Variants in RNPEP observed in about 807,000 individuals in gnomAD.
RNPEP encodes the protein arginyl aminopeptidase, also known as aminopeptidase B.
A neutral mutation model predicts 70.1 loss-of-function variants in RNPEP; 57 were observed. That is an observed-to-expected ratio of 0.81 (90% CI 0.66 to 1.01). RNPEP has a LOEUF of 1.01. RNPEP is among the 50% of genes least tolerant of loss of function. The probability of loss-of-function intolerance (pLI) is 0.00; values close to 1 mark genes in which losing one functional copy is unlikely to be tolerated. For missense variants in RNPEP, 787 were observed against 852.4 expected (o/e 0.92, Z 0.96); for synonymous variants, 335 against 357.4 (o/e 0.94, Z 0.71).
rs1175533150 is a variant in RNPEP at position 202,001,383 on chromosome 1, C to A, written c.1212C>A (p.Asp404Glu). The A allele has an allele frequency of 6.2e-7, 1 of 1,613,204 alleles. No individual in the cohort carries two copies. The highest frequency in any genetic ancestry group is 1.7e-5 in the Admixed American group (1 of 60,002). The change falls in exon 7 of 11, where the codon GAC becomes GAA. Residue 404 changes from aspartate to glutamate, a missense_variant. Coordinates refer to ENST00000295640, the MANE Select transcript of RNPEP (RefSeq NM_020216.4). ...TGCTTTCTCCTCTGCCAGGCGTTGA[C>A]CCGGACGACACCTATAATGAGACCC... is the stretch of plus-strand genomic sequence containing the variant. ...KLRVKIEPGV[D>E]PDDTYNETPY...
intron 7 of RNPEP, 41 bp from the exon 8 acceptor site, chr1:202,001,618 A>G: frequency 6.6e-7 from 1 of 1,517,750 alleles, no homozygotes; most frequent in Non-Finnish European, 9.2e-7. Flanking sequence ...ACCACTCCCC[A>G]CGGGGCCAGA....
rs578202834 is a variant in RNPEP at position 202,001,711 on chromosome 1, A to G, written c.1370A>G (p.Asp457Gly). The G allele has an allele frequency of 1.4e-5, 23 of 1,613,754 alleles. No homozygotes were observed. In the South Asian group the frequency reaches 2.0e-4, roughly 14 times the overall value. ...FRSILADDFLDFYLEYFPELK... is the reference protein window; with the variant it reads ...FRSILADDFLGFYLEYFPELK... ...AGCATCTTAGCCGATGACTTTCTGGACTTCTACTTGGAATATTTCCCTGAG... is the reference window on the plus strand; with the variant it reads ...AGCATCTTAGCCGATGACTTTCTGGGCTTCTACTTGGAATATTTCCCTGAG... The change falls in exon 8 of 11, where the codon GAC becomes GGC. Residue 457 changes from aspartate to glycine, a missense_variant. By Grantham distance (94) the Asp-to-Gly change is moderately conservative. Coordinates refer to ENST00000295640, the MANE Select transcript of RNPEP (RefSeq NM_020216.4).
chr1:202,000,230 G>A (rs1006431631), intron 6 of RNPEP: 4 of 472,756 alleles, frequency 8.5e-6, no homozygotes, highest in South Asian at 3.4e-5. Context: ...TGTGCGGTTC[G>A]TGATGACTTC....
At chr1:201,984,561 G>A (rs1683055338) in intron 1 of RNPEP, among the ~76,000 whole-genome samples, 1 of 152,050 alleles carries the variant, frequency 6.6e-6, no homozygotes, top group Non-Finnish European at 1.5e-5. Context: ...TCCTTTCACA[G>A]CCTGATAACA....
At chr1:201,996,422 C>A in intron 4 of RNPEP, 159 bp downstream of exon 4, 1 of 645,644 alleles carries the variant, frequency 1.5e-6, no homozygotes, top group Non-Finnish European at 2.8e-6. Context: ...ATGAGCCAGG[C>A]TTCTCACTGT....
Position 202,005,927 on chromosome 1 carries a change from T to G in RNPEP, c.*211T>G, listed in dbSNP as rs552182824. 51 of 582,484 alleles carry G rather than the reference T, an allele frequency of 8.8e-5. No homozygotes were observed. In the South Asian group the frequency reaches 1.1e-3, roughly 13 times the overall value. 36.1% of individuals were successfully genotyped at this position (582,484 alleles called of 1,614,324 possible). A position where few individuals can be genotyped will look rare whatever the true frequency, so the allele number is the denominator to read the frequency against. On this transcript the variant is annotated 3_prime_UTR_variant, in exon 11 of 11. Coordinates refer to ENST00000295640, the MANE Select transcript of RNPEP (RefSeq NM_020216.4). ...CCACTGAGCCCCGAGACAGAGAACC[T>G]GCCCACAGCTCTCCCCGCTACAGGC... is the stretch of plus-strand genomic sequence containing the variant.
At chr1:201,983,257 C>A in intron 1 of RNPEP, 144 bp downstream of exon 1, 1 of 1,433,928 alleles carries the variant, frequency 7.0e-7, no homozygotes. Flanking sequence ...TCCCCGCGCG[C>A]CGCCTCTAGG....
chr1:201,994,168 C>T (rs1448500158), intron 3 of RNPEP, among the ~76,000 whole-genome samples: 1 of 152,184 alleles, frequency 6.6e-6, no homozygotes, highest in Non-Finnish European at 1.5e-5. Flanking sequence ...CTCTGCCCAG[C>T]TCCTTGTGTG....
intron 5 of RNPEP, among the ~76,000 whole-genome samples, chr1:201,999,100 C>T (rs930420883): frequency 1.1e-4 from 16 of 152,066 alleles, no homozygotes; most frequent in African/African-American, 3.9e-4. Flanking sequence ...GCCTGTAGTC[C>T]CAGCTACTTG....
At chr1:201,994,725 G>GGT (rs1683480171) in intron 3 of RNPEP, among the ~76,000 whole-genome samples, 1 of 149,538 alleles carries the variant, frequency 6.7e-6, no homozygotes. Flanking sequence ...GGAGTGCGAT[G>GGT]GTGCAATCTT....
At chr1:201,984,766 TG>T (rs1228783664) in intron 1 of RNPEP, among the ~76,000 whole-genome samples, 2 of 151,532 alleles carry the variant, frequency 1.3e-5, no homozygotes, top group Non-Finnish European at 2.9e-5. Context: ...ATATGGTGCG[TG>T]GTACATGGTA....
In RNPEP at chr1:201,987,050, C is replaced by T. The variant is rs558901798; in HGVS notation, c.448-1854C>T. On this transcript the variant is annotated intron_variant, in intron 1 of 10. Transcript: ENST00000295640. ...CAAAAACTCAAACCCAGCATCCCAA[C>T]GTAGCTTCCTTATGCCTCTTAAAAT... Among the ~76,000 whole-genome samples, 66 of 152,296 alleles carry T rather than the reference C, an allele frequency of 4.3e-4. No individual in the cohort carries two copies. The Middle Eastern group carries it at 0.01, about 24-fold the overall frequency.
At chr1:201,991,176 G>A (rs959419219) in intron 3 of RNPEP, among the ~76,000 whole-genome samples, 9 of 152,062 alleles carry the variant, frequency 5.9e-5, no homozygotes, top group East Asian at 1.9e-4. Context: ...GTGCAGTGGC[G>A]CGATCTTGGC....
chr1:202,001,236 C>A, intron 6 of RNPEP, 140 bp from the exon 7 acceptor site: 1 of 634,860 alleles, frequency 1.6e-6, no homozygotes, highest in Non-Finnish European at 2.8e-6. Flanking sequence ...AGGATCTGGA[C>A]ACCTTCTTGG....
chr1:201,989,905 T>C (rs1683263819), intron 3 of RNPEP, among the ~76,000 whole-genome samples: 1 of 151,382 alleles, frequency 6.6e-6, no homozygotes, highest in African/African-American at 2.4e-5. Context: ...AGTGCAATGG[T>C]GCGATCTTGG....
intron 3 of RNPEP, among the ~76,000 whole-genome samples, chr1:201,993,853 G>T (rs1240257081): frequency 1.3e-5 from 2 of 152,058 alleles, no homozygotes; most frequent in Non-Finnish European, 2.9e-5. Context: ...CCTTCCCTCT[G>T]TAGCCAGGTG....
intron 5 of RNPEP, among the ~76,000 whole-genome samples, chr1:201,999,649 GA>G (rs1317965731): frequency 6.6e-6 from 1 of 152,202 alleles, no homozygotes; most frequent in African/African-American, 2.4e-5. Context: ...CCTCACTTAG[GA>G]GAGAGACCAA....
intron 2 of RNPEP, 32 bp from the exon 3 acceptor site, chr1:201,989,351 G>A (rs1469794586): frequency 6.2e-7 from 1 of 1,608,262 alleles, no homozygotes; most frequent in Admixed American, 1.7e-5. Flanking sequence ...ACTCTCTCCA[G>A]GTAAAATCTC....
chr1:202,005,380 G>A (rs534946597), intron 10 of RNPEP, among the ~76,000 whole-genome samples, 178 bp from the exon 11 acceptor site: 5 of 152,234 alleles, frequency 3.3e-5, no homozygotes, highest in South Asian at 4.2e-4. Flanking sequence ...GATCTCTGGC[G>A]CCCAAGAAGA....
Sources: allele counts gnomAD v4.1 joint callset (sites outside exome capture counted in the v4.1 genomes callset), GRCh38; gene constraint gnomAD v4.1.1; transcripts MANE v1.5; gene names NCBI Gene and HGNC (gene_info 2026-07-23, HGNC 2026-07-21).